Variants in PLCL1 observed in about 807,000 individuals in gnomAD.
PLCL1 encodes inactive phospholipase C-like protein 1.
A neutral mutation model predicts 84.4 loss-of-function variants in PLCL1; 41 were observed. The observed-to-expected ratio is 0.49, with a 90% CI of 0.38 to 0.63. PLCL1 has a LOEUF of 0.63. PLCL1 is among the 30% of genes least tolerant of loss of function. The pLI, the probability that PLCL1 is intolerant of heterozygous loss-of-function variation, is 0.00. For synonymous variants in PLCL1, 490 were observed against 488.3 expected (o/e 1.00, Z -0.05); for missense variants, 1,206 against 1,367.8 (o/e 0.88, Z 1.87).
rs772474825 is a variant in PLCL1 at position 198,146,936 on chromosome 2, A to G, written c.3262A>G (p.Ser1088Gly). 6.2e-7 allele frequency: 1 copy of G among 1,609,276 alleles called. No homozygotes were observed. The highest frequency in any genetic ancestry group is 1.1e-5 in the South Asian group (1 of 90,434). ...RSLEAIEEKE[S>G]SEENGKL ...CCTGGAAGCCATAGAGGAGAAGGAA[A>G]GTAGTGAGGAGAATGGGAAGCTGTG... The change falls in exon 6 of 6, where the codon AGT (serine) becomes GGT (glycine). Residue 1088 changes from serine (S) to glycine (G), a missense_variant. Physicochemically the swap from Ser to Gly is moderately conservative, Grantham distance 56. Coordinates refer to ENST00000428675, the MANE Select transcript of PLCL1 (RefSeq NM_006226.4).
At chr2:198,096,998 A>G (rs998788378) in intron 3 of PLCL1, among the ~76,000 whole-genome samples, 6 of 152,226 alleles carry the variant, frequency 3.9e-5, no homozygotes, top group Admixed American at 3.9e-4. Flanking sequence ...TTGCTTATTG[A>G]AATCCATTTA....
At chr2:197,957,554 A>C (rs1355766590) in intron 1 of PLCL1, among the ~76,000 whole-genome samples, 1 of 152,044 alleles carries the variant, frequency 6.6e-6, no homozygotes, top group Non-Finnish European at 1.5e-5. Context: ...TAGGCTGTTA[A>C]GTTGTGACCA....
At chr2:198,056,864 A>C (rs955039638) in intron 1 of PLCL1, among the ~76,000 whole-genome samples, 43 of 152,206 alleles carry the variant, frequency 2.8e-4, no homozygotes, top group African/African-American at 8.7e-4. Flanking sequence ...CACATTCAGC[A>C]CCTGGATAGC....
intron 3 of PLCL1, among the ~76,000 whole-genome samples, chr2:198,094,648 A>G (rs3755330): frequency 0.44 from 66,273 of 151,968 alleles, 15,820 homozygotes; most frequent in African/African-American, 0.63. Context: ...GAGTAATAAC[A>G]CACTGGGTTA....
chr2:197,856,671 G>T (rs943338188), intron 1 of PLCL1, among the ~76,000 whole-genome samples: 6 of 152,058 alleles, frequency 3.9e-5, no homozygotes, highest in African/African-American at 1.4e-4. Context: ...CTAGCCTAGT[G>T]GTTTATACAA....
intron 1 of PLCL1, among the ~76,000 whole-genome samples, chr2:197,834,478 A>G (rs1691138743): frequency 6.6e-6 from 1 of 152,246 alleles, no homozygotes; most frequent in South Asian, 2.1e-4. Flanking sequence ...CCCATCAAAA[A>G]GTGGGTGACA....
intron 1 of PLCL1, among the ~76,000 whole-genome samples, chr2:197,965,062 C>T (rs1689700694): frequency 6.6e-6 from 1 of 152,014 alleles, no homozygotes; most frequent in African/African-American, 2.4e-5. Context: ...CAGGGTAATA[C>T]TGGACTTGTA....
chr2:198,005,683 G>A (rs897531180), intron 1 of PLCL1, among the ~76,000 whole-genome samples: 2 of 152,162 alleles, frequency 1.3e-5, no homozygotes, highest in African/African-American at 4.8e-5. Context: ...AGGTGTGGGC[G>A]GTGGTCAGGG....
intron 1 of PLCL1, among the ~76,000 whole-genome samples, chr2:197,967,108 A>G (rs1333192511): frequency 6.6e-6 from 1 of 152,158 alleles, no homozygotes; most frequent in African/African-American, 2.4e-5. Flanking sequence ...GGGTGCTGAC[A>G]TTGTGGATCC....
At chr2:198,054,656 G>C (rs535993058) in intron 1 of PLCL1, among the ~76,000 whole-genome samples, 5 of 152,226 alleles carry the variant, frequency 3.3e-5, no homozygotes, top group Non-Finnish European at 4.4e-5. Context: ...TGCAACATTT[G>C]CAAGAGGAGT....
At chr2:197,962,306 A>G (rs1412084739) in intron 1 of PLCL1, among the ~76,000 whole-genome samples, 1 of 152,090 alleles carries the variant, frequency 6.6e-6, no homozygotes, top group Non-Finnish European at 1.5e-5. Flanking sequence ...TAAATGGCTT[A>G]TCTGTGTGAC....
At chr2:198,063,808 T>A (rs1337457383) in intron 1 of PLCL1, among the ~76,000 whole-genome samples, 2 of 152,236 alleles carry the variant, frequency 1.3e-5, no homozygotes, top group African/African-American at 4.8e-5. Context: ...TCCTCTCTGA[T>A]GATTTGAAAT....
At chr2:197,902,287 C>T (rs559942480) in intron 1 of PLCL1, among the ~76,000 whole-genome samples, 2 of 152,254 alleles carry the variant, frequency 1.3e-5, no homozygotes, top group African/African-American at 4.8e-5. Flanking sequence ...ATAGTTCCAA[C>T]CAATGTCTTA....
At chr2:198,132,887 A>T (rs1434383420) in intron 5 of PLCL1, among the ~76,000 whole-genome samples, 2 of 151,700 alleles carry the variant, frequency 1.3e-5, no homozygotes, top group Non-Finnish European at 2.9e-5. Context: ...GGTGTTTTGG[A>T]CATGAAGTCC....
intron 1 of PLCL1, among the ~76,000 whole-genome samples, chr2:198,061,559 A>G (rs943248310): frequency 8.6e-5 from 13 of 151,790 alleles, no homozygotes; most frequent in South Asian, 2.1e-4. Flanking sequence ...GCACTGATTT[A>G]GGAATTATCA....
At chr2:198,087,615 A>G (rs560005153) in intron 2 of PLCL1, among the ~76,000 whole-genome samples, 6 of 152,032 alleles carry the variant, frequency 3.9e-5, no homozygotes, top group Non-Finnish European at 7.4e-5. Flanking sequence ...GACTGCCAGT[A>G]TTTAATAGAA....
intron 1 of PLCL1, among the ~76,000 whole-genome samples, chr2:198,061,442 G>T (rs1692197040): frequency 6.6e-6 from 1 of 152,116 alleles, no homozygotes; most frequent in Non-Finnish European, 1.5e-5. Flanking sequence ...AGCAGTGAAG[G>T]AGGGTGGGCA....
chr2:197,928,360 G>A (rs72926534), intron 1 of PLCL1, among the ~76,000 whole-genome samples: 3,572 of 152,206 alleles, frequency 0.023, 61 homozygotes, highest in Middle Eastern at 0.044. Context: ...ACTATGAAGA[G>A]CTGTTAGGAG....
intron 1 of PLCL1, among the ~76,000 whole-genome samples, chr2:197,941,160 C>T (rs1314338328): frequency 6.6e-6 from 1 of 152,154 alleles, no homozygotes; most frequent in African/African-American, 2.4e-5. Context: ...AAATGTTGCC[C>T]TAGAAGTACA....
Sources: allele counts gnomAD v4.1 joint callset (sites outside exome capture counted in the v4.1 genomes callset), GRCh38; gene constraint gnomAD v4.1.1; transcripts MANE v1.5; gene names NCBI Gene and HGNC (gene_info 2026-07-23, HGNC 2026-07-21).